The following CTIF variants were observed in gnomAD, a reference collection of about 807,000 sequenced individuals.
The protein encoded by CTIF is cap binding complex dependent translation initiation factor.
Under a neutral mutation model 66.0 loss-of-function variants are expected in CTIF, and 21 were observed. That is an observed-to-expected ratio of 0.32 (90% CI 0.23 to 0.46). The LOEUF (loss-of-function observed/expected upper bound fraction) is 0.46, where lower values mean the gene tolerates loss of function less well. CTIF is among the 20% of genes least tolerant of loss of function. CTIF has a pLI of 1.00. For synonymous variants in CTIF, 345 were observed against 326.4 expected, an observed-to-expected ratio of 1.06 and a Z score of -0.62; for missense variants, 739 against 812.7, an observed-to-expected ratio of 0.91 and a Z score of 1.10.
intron 5 of CTIF, among the ~76,000 whole-genome samples, chr18:48,667,669 C>T (rs35773906): frequency 1.3e-5 from 2 of 152,138 alleles, no homozygotes; most frequent in African/African-American, 4.8e-5. Context: ...CCTTCTGAAG[C>T]CAGAGTAACC....
At chr18:48,720,483 A>T (rs561043058) in intron 7 of CTIF, among the ~76,000 whole-genome samples, 8 of 152,216 alleles carry the variant, frequency 5.3e-5, no homozygotes, top group Non-Finnish European at 8.8e-5. Context: ...TTGTCTTTCC[A>T]TCCCAGCAAG....
chr18:48,774,071 C>T (rs1910427439), intron 9 of CTIF, among the ~76,000 whole-genome samples: 1 of 152,164 alleles, frequency 6.6e-6, no homozygotes, highest in Non-Finnish European at 1.5e-5. Context: ...ACCAAGAGGT[C>T]AGGAACACAC....
At chr18:48,754,219 C>G (rs1908117213) in intron 7 of CTIF, among the ~76,000 whole-genome samples, 1 of 152,124 alleles carries the variant, frequency 6.6e-6, no homozygotes. Context: ...CGGTCCTTGT[C>G]CCTGAGTGTT....
At chr18:48,646,465 G>C (rs768354678) in intron 3 of CTIF, among the ~76,000 whole-genome samples, 1 of 151,710 alleles carries the variant, frequency 6.6e-6, no homozygotes, top group Non-Finnish European at 1.5e-5. Flanking sequence ...AAAAAGTGAC[G>C]GCCAAGAGCG....
chr18:48,543,634 A>G (rs542286826), intron 1 of CTIF, among the ~76,000 whole-genome samples: 2 of 152,194 alleles, frequency 1.3e-5, no homozygotes, highest in South Asian at 2.1e-4. Flanking sequence ...GCTGGGGAGG[A>G]CTTTGAAGAT....
At chr18:48,587,514 T>C (rs2089798079) in intron 1 of CTIF, among the ~76,000 whole-genome samples, 2 of 152,216 alleles carry the variant, frequency 1.3e-5, no homozygotes, top group Admixed American at 6.5e-5. Flanking sequence ...ATTGGTCTGG[T>C]CTGTGCTGTG....
intron 1 of CTIF, among the ~76,000 whole-genome samples, chr18:48,575,575 C>T (rs1215629433): frequency 6.6e-6 from 1 of 152,238 alleles, no homozygotes; most frequent in Non-Finnish European, 1.5e-5. Context: ...CCTGCAACCC[C>T]CAGCACAGGC....
chr18:48,542,382 C>G (rs1461388798), intron 1 of CTIF, among the ~76,000 whole-genome samples: 1 of 152,212 alleles, frequency 6.6e-6, no homozygotes, highest in South Asian at 2.1e-4. Context: ...GCATGGATTT[C>G]TCAGAATTCA....
intron 7 of CTIF, among the ~76,000 whole-genome samples, chr18:48,746,416 G>A (rs554348117): frequency 9.2e-5 from 14 of 151,646 alleles, no homozygotes; most frequent in East Asian, 3.9e-4. Context: ...GAAGTACTCC[G>A]TGCATACTGA....
At chr18:48,632,519 C>G (rs1311459678) in intron 2 of CTIF, among the ~76,000 whole-genome samples, 1 of 152,220 alleles carries the variant, frequency 6.6e-6, no homozygotes, top group Non-Finnish European at 1.5e-5. Flanking sequence ...ACCACCACTG[C>G]TAATGAACCC....
At chr18:48,687,784 C>T (rs1220101925) in intron 6 of CTIF, among the ~76,000 whole-genome samples, 1 of 152,230 alleles carries the variant, frequency 6.6e-6, no homozygotes, top group Non-Finnish European at 1.5e-5. Context: ...CCCTTAAGAA[C>T]TTGTAAGGCA....
At chr18:48,637,513 T>C (rs1446814414) in intron 3 of CTIF, among the ~76,000 whole-genome samples, 1 of 152,210 alleles carries the variant, frequency 6.6e-6, no homozygotes, top group Non-Finnish European at 1.5e-5. Flanking sequence ...CGAGGGGCCA[T>C]GCCTGGTTTC....
At chr18:48,694,892 A>G (rs1272906630) in intron 6 of CTIF, among the ~76,000 whole-genome samples, 1 of 152,260 alleles carries the variant, frequency 6.6e-6, no homozygotes, top group Non-Finnish European at 1.5e-5. Flanking sequence ...AGTTCCACAC[A>G]GAGATTTTTC....
intron 7 of CTIF, among the ~76,000 whole-genome samples, chr18:48,722,570 G>T (rs948080973): frequency 1.3e-5 from 2 of 152,080 alleles, no homozygotes; most frequent in Admixed American, 1.3e-4. Context: ...AGATTCACAG[G>T]TGTAAGTACC....
At chr18:48,622,359 G>A (rs994406172) in intron 2 of CTIF, among the ~76,000 whole-genome samples, 12 of 152,134 alleles carry the variant, frequency 7.9e-5, no homozygotes, top group African/African-American at 2.9e-4. Flanking sequence ...GGAGAGGGCT[G>A]GGTGTGAGCA....
chr18:48,771,904 C>T (rs1053727398), intron 9 of CTIF, among the ~76,000 whole-genome samples: 4 of 152,232 alleles, frequency 2.6e-5, no homozygotes, highest in Non-Finnish European at 4.4e-5. Flanking sequence ...CCAGACAGGG[C>T]GCCTCTACCT....
intron 1 of CTIF, among the ~76,000 whole-genome samples, chr18:48,608,430 A>T (rs1036700404): frequency 6.6e-6 from 1 of 150,962 alleles, no homozygotes; most frequent in African/African-American, 2.4e-5. Context: ...GGCGGTAGCA[A>T]TCTCTGCTTT....
In CTIF at chr18:48,761,371, T is replaced by C; in HGVS notation, c.1072-19T>C. 1 of 1,607,896 alleles carries C rather than the reference T, an allele frequency of 6.2e-7. No homozygotes were observed. Among genetic ancestry groups the C allele is most frequent in the South Asian group, 1.1e-5 (1 of 90,750 alleles). On this transcript the variant is annotated intron_variant, in intron 8 of 11. Transcript: ENST00000256413. This position sits in a 1 kb window ranked among gnomAD's most constrained non-coding sequence, Gnocchi z 4.2. ...CTCGGCTTCACTCAGGCACATTCAT[T>C]TGTCTCCGACACCCCCAGGATGAAG...
At chr18:48,754,093 G>T (rs1468664330) in intron 7 of CTIF, among the ~76,000 whole-genome samples, 1 of 152,228 alleles carries the variant, frequency 6.6e-6, no homozygotes, top group Non-Finnish European at 1.5e-5. Flanking sequence ...CTGTTCCAGT[G>T]CCCTTAGCAG....
Sources: allele counts gnomAD v4.1 joint callset (sites outside exome capture counted in the v4.1 genomes callset), GRCh38; gene constraint gnomAD v4.1.1; non-coding constraint Gnocchi (gnomAD v3.1); transcripts MANE v1.5; gene names NCBI Gene and HGNC (gene_info 2026-07-23, HGNC 2026-07-21).